MTFR1: variants seen among roughly 807,000 people sequenced by gnomAD.
The protein encoded by MTFR1 is mitochondrial fission regulator 1, also known as chondrocyte protein with a poly-proline region.
MTFR1 carries 28 observed loss-of-function variants against 38.8 expected under a neutral mutation model. That is an observed-to-expected ratio of 0.72 (90% CI 0.53 to 0.99). The LOEUF (loss-of-function observed/expected upper bound fraction) is 0.99. Ranked by LOEUF, MTFR1 falls within the 50% of genes least tolerant of loss-of-function variation. The pLI is 0.00. For synonymous variants in MTFR1, 145 were observed against 137.0 expected (o/e 1.06, Z -0.41); for missense variants, 358 against 395.5 (o/e 0.91, Z 0.81).
chr8:65,701,438 T>C (rs1353266584), intron 4 of MTFR1, among the ~76,000 whole-genome samples: 1 of 152,236 alleles, frequency 6.6e-6, no homozygotes, highest in Non-Finnish European at 1.5e-5. Flanking sequence ...CTAAGGAGTT[T>C]TGAAATATTT....
At chr8:65,715,031 A>G (rs1011335237), downstream of MTFR1, among the ~76,000 whole-genome samples, 8 of 152,192 alleles carry the variant, frequency 5.3e-5, no homozygotes, top group Non-Finnish European at 1.2e-4. Flanking sequence ...TTTTACTCCT[A>G]GAGCAGAGAC....
At position 65,682,382 on chromosome 8, in the gene MTFR1, G is replaced by T. The variant is rs765779056; in HGVS notation, c.96G>T (p.Ser32=). The part of the protein sequence containing the change: ...SVLWSRKPYG[S]SRSIVRKIGT... The stretch of plus-strand genomic sequence containing the variant: ...TTTGGTCTAGGAAGCCATATGGTTC[G>T]TCTCGAAGTATCGTAAGGAAAATTG... The change falls in exon 3 of 8, where the codon TCG becomes TCT. Residue 32 remains serine, a synonymous_variant. Transcript: ENST00000262146. The T allele has an allele frequency of 3.8e-6, 6 of 1,571,052 alleles. No individual in the cohort carries two copies. The highest frequency in any genetic ancestry group is 1.4e-5 in the African/African-American group (1 of 73,274).
chr8:65,645,884 A>G (rs1017508830), intron 1 of MTFR1, among the ~76,000 whole-genome samples: 3 of 152,176 alleles, frequency 2.0e-5, no homozygotes, highest in Admixed American at 1.3e-4. Flanking sequence ...ATTATTTTAC[A>G]TATTTCTATG....
intron 1 of MTFR1, among the ~76,000 whole-genome samples, chr8:65,657,117 G>A (rs1809290589): frequency 6.6e-6 from 1 of 151,152 alleles, no homozygotes; most frequent in South Asian, 2.1e-4. Context: ...GAGTTCAAGT[G>A]ATTCTCCTGC....
intron 1 of MTFR1, among the ~76,000 whole-genome samples, chr8:65,664,095 C>T (rs559687572): frequency 2.8e-4 from 42 of 152,138 alleles, no homozygotes; most frequent in African/African-American, 8.9e-4. Flanking sequence ...GGATTACAGG[C>T]GTGAGCCATT....
intron 1 of MTFR1, among the ~76,000 whole-genome samples, chr8:65,660,219 A>AG (rs1809372492): frequency 7.1e-6 from 1 of 140,146 alleles, no homozygotes; most frequent in African/African-American, 2.6e-5. Context: ...TGAACCTGGG[A>AG]GGTGGAGGTT....
intron 3 of MTFR1, among the ~76,000 whole-genome samples, chr8:65,753,625 T>A (rs771947512): frequency 6.6e-6 from 1 of 152,062 alleles, no homozygotes; most frequent in Non-Finnish European, 1.5e-5. Flanking sequence ...TTGAGTACTC[T>A]GTGTCTGTTA....
At chr8:65,768,604 G>C (rs1808918736) in intron 3 of MTFR1, among the ~76,000 whole-genome samples, 1 of 152,142 alleles carries the variant, frequency 6.6e-6, no homozygotes, top group African/African-American at 2.4e-5. Flanking sequence ...TTTATCAGCA[G>C]CGTAAAAACA....
chr8:65,652,156 G>A (rs1585740211), intron 1 of MTFR1, among the ~76,000 whole-genome samples: 1 of 151,992 alleles, frequency 6.6e-6, no homozygotes, highest in East Asian at 1.9e-4. Context: ...CTGGAGTCTG[G>A]GGTGCAGTGG....
At chr8:65,773,725 G>C (rs545820118), downstream of MTFR1, among the ~76,000 whole-genome samples, 1 of 152,158 alleles carries the variant, frequency 6.6e-6, no homozygotes, top group South Asian at 2.1e-4. Context: ...TGGTTTCCTA[G>C]TGATTTAGAT....
chr8:65,740,969 A>G (rs2128902292), intron 3 of MTFR1, among the ~76,000 whole-genome samples: 1 of 152,256 alleles, frequency 6.6e-6, no homozygotes, highest in African/African-American at 2.4e-5. Context: ...CGCAATGGGG[A>G]CTGTTTTCGT....
At chr8:65,750,506 G>GTC (rs1303840719) in intron 3 of MTFR1, among the ~76,000 whole-genome samples, 1 of 151,292 alleles carries the variant, frequency 6.6e-6, no homozygotes, top group Non-Finnish European at 1.5e-5. Context: ...GTGTGTGTCT[G>GTC]TGTGTGTCTG....
chr8:65,723,492 A>G (rs1585824275), intron 3 of MTFR1: 1 of 1,378,286 alleles, frequency 7.3e-7, no homozygotes, highest in East Asian at 2.7e-5. Context: ...CTTCTTGATA[A>G]AAACAGTGGC....
intron 2 of MTFR1, among the ~76,000 whole-genome samples, chr8:65,716,237 G>A (rs1254059266): frequency 2.6e-5 from 4 of 151,858 alleles, no homozygotes; most frequent in Non-Finnish European, 5.9e-5. Flanking sequence ...TATATGTGTA[G>A]GCAGGAAATG....
chr8:65,677,553 T>C (rs1804750886), intron 2 of MTFR1, among the ~76,000 whole-genome samples: 1 of 151,416 alleles, frequency 6.6e-6, no homozygotes, highest in Admixed American at 6.6e-5. Flanking sequence ...TGGCTAATTT[T>C]GTATTTTTAG....
chr8:65,763,051 T>C (rs1377782931), intron 3 of MTFR1, among the ~76,000 whole-genome samples: 1 of 151,176 alleles, frequency 6.6e-6, no homozygotes, highest in East Asian at 2.0e-4. Context: ...AAAATGAATA[T>C]ACAGCTTAAA....
At chr8:65,728,963 C>CA (rs1162950301) in intron 3 of MTFR1, among the ~76,000 whole-genome samples, 2 of 151,392 alleles carry the variant, frequency 1.3e-5, no homozygotes, top group African/African-American at 2.4e-5. Flanking sequence ...ATCACACATG[C>CA]AAAAAAATAT....
At chr8:65,739,342 CCACA>C (rs1807298434) in intron 3 of MTFR1, among the ~76,000 whole-genome samples, 1 of 152,112 alleles carries the variant, frequency 6.6e-6, no homozygotes, top group African/African-American at 2.4e-5. Context: ...TTTAACAGCC[CCACA>C]GATGCAAGAG....
chr8:65,725,882 C>T (rs1340124636), intron 3 of MTFR1, among the ~76,000 whole-genome samples: 2 of 152,116 alleles, frequency 1.3e-5, no homozygotes, highest in South Asian at 4.1e-4. Flanking sequence ...CCATAATTTA[C>T]ATATACAGTG....
Sources: allele counts gnomAD v4.1 joint callset (sites outside exome capture counted in the v4.1 genomes callset), GRCh38; gene constraint gnomAD v4.1.1; transcripts MANE v1.5; gene names NCBI Gene and HGNC (gene_info 2026-07-23, HGNC 2026-07-21).